The following CLASP1 variants were observed in gnomAD, a reference collection of about 807,000 sequenced individuals.
The protein encoded by CLASP1 is CLIP-associating protein 1.
In CLASP1, 38 loss-of-function variants were observed where a neutral mutation model predicts 192.3. That is an observed-to-expected ratio of 0.20 (90% CI 0.15 to 0.26). The LOEUF (loss-of-function observed/expected upper bound fraction) is 0.26. CLASP1 is among the 10% of genes least tolerant of loss of function. CLASP1 has a pLI of 1.00. For missense variants in CLASP1, 1,433 were observed against 1,932.5 expected, an observed-to-expected ratio of 0.74 and a Z score of 4.85; for synonymous variants, 691 against 712.8, an observed-to-expected ratio of 0.97 and a Z score of 0.49.
intron 7 of CLASP1, among the ~76,000 whole-genome samples, chr2:121,515,037 T>C (rs2094248302): frequency 1.3e-5 from 2 of 152,204 alleles, no homozygotes; most frequent in Non-Finnish European, 2.9e-5. Flanking sequence ...GGTAAAAGTT[T>C]GGAATTAATT....
intron 1 of CLASP1, among the ~76,000 whole-genome samples, chr2:121,611,458 G>A (rs1262405604): frequency 4.3e-5 from 6 of 140,188 alleles, no homozygotes; most frequent in African/African-American, 1.4e-4. Context: ...GTTACAGGAG[G>A]AAGAGGAACT....
intron 34 of CLASP1, among the ~76,000 whole-genome samples, chr2:121,375,519 A>G (rs369991474): frequency 1.3e-5 from 2 of 151,950 alleles, no homozygotes; most frequent in South Asian, 2.1e-4. Context: ...GTGCACCACC[A>G]AGCCCAGCTA....
At chr2:121,515,049 G>T (rs1413322527) in intron 7 of CLASP1, among the ~76,000 whole-genome samples, 2 of 152,218 alleles carry the variant, frequency 1.3e-5, no homozygotes, top group East Asian at 3.9e-4. Flanking sequence ...GAATTAATTT[G>T]GTGTTAAGTT....
chr2:121,525,551 T>G (rs897869553), intron 6 of CLASP1, among the ~76,000 whole-genome samples: 5 of 152,164 alleles, frequency 3.3e-5, no homozygotes, highest in African/African-American at 9.7e-5. Context: ...AGACATCTTA[T>G]CTTGGAGGCT....
intron 2 of CLASP1, among the ~76,000 whole-genome samples, chr2:121,538,689 G>C (rs1476417069): frequency 2.6e-5 from 4 of 151,794 alleles, no homozygotes; most frequent in Admixed American, 2.6e-4. Context: ...GGGAGGCTGA[G>C]GCAGAGAATT....
At chr2:121,637,976 G>A (rs1003905821) in intron 1 of CLASP1, among the ~76,000 whole-genome samples, 1 of 151,484 alleles carries the variant, frequency 6.6e-6, no homozygotes, top group Admixed American at 6.6e-5. Context: ...CAAAAAAGGA[G>A]ATAACACAAG....
chr2:121,503,276 G>A (rs1356193643), intron 7 of CLASP1, 42 bp from the exon 8 acceptor site: 1 of 1,103,154 alleles, frequency 9.1e-7, no homozygotes, highest in Admixed American at 2.1e-5. Flanking sequence ...AACCATCACT[G>A]CTCATAGCCA....
At chr2:121,439,827 C>T (rs1400057166) in intron 19 of CLASP1, among the ~76,000 whole-genome samples, 7 of 149,752 alleles carry the variant, frequency 4.7e-5, no homozygotes, top group Admixed American at 6.7e-5. Context: ...AGTAAACTAT[C>T]GCAAGAACAA....
chr2:121,521,228 G>A (rs768730893), intron 6 of CLASP1, among the ~76,000 whole-genome samples: 18 of 152,154 alleles, frequency 1.2e-4, no homozygotes, highest in Non-Finnish European at 2.1e-4. Context: ...CAAAATAATG[G>A]GGTGGAGGAG....
At chr2:121,549,311 T>C (rs1323946616) in intron 2 of CLASP1, among the ~76,000 whole-genome samples, 3 of 152,124 alleles carry the variant, frequency 2.0e-5, no homozygotes, top group African/African-American at 7.2e-5. Flanking sequence ...AAAGAGACTT[T>C]AAAACAACAA....
chr2:121,404,782 T>C (rs1385662206), intron 25 of CLASP1, among the ~76,000 whole-genome samples: 5 of 152,290 alleles, frequency 3.3e-5, no homozygotes, highest in South Asian at 2.1e-4. Context: ...TAAGACTGAG[T>C]GATTTACTCA....
intron 19 of CLASP1, 30 bp downstream of exon 19, chr2:121,447,307 G>A: frequency 6.4e-7 from 1 of 1,565,254 alleles, no homozygotes; most frequent in Non-Finnish European, 8.7e-7. Context: ...GAGCAGTGCA[G>A]GAGGGAAAGG....
In CLASP1 at chr2:121,448,209, C is replaced by A. The variant is rs995109817; in HGVS notation, c.1741+67G>T. On this transcript the variant is annotated intron_variant, in intron 18 of 39. Coordinates refer to ENST00000263710, the Ensembl canonical transcript of CLASP1. ...CGTTGGCCTCCTGTGCCTGGGCAGC[C>A]TCTTGCAGCTGCACGTACAGCCCAC... 4 of 1,405,360 alleles carry A rather than the reference C, an allele frequency of 2.8e-6. No homozygotes were observed. The African/African-American group carries it at 5.7e-5, about 20-fold the overall frequency. The allele number at this position is 1,405,360 out of a possible 1,614,324, so 87.1% of individuals were successfully genotyped here.
chr2:121,564,439 CA>C (rs1180884414), intron 2 of CLASP1, among the ~76,000 whole-genome samples: 1 of 152,122 alleles, frequency 6.6e-6, no homozygotes, highest in Non-Finnish European at 1.5e-5. Flanking sequence ...GAAGAATTAT[CA>C]AAGATTTTAG....
At chr2:121,445,201 G>A (rs182892066) in intron 19 of CLASP1, among the ~76,000 whole-genome samples, 10 of 152,162 alleles carry the variant, frequency 6.6e-5, no homozygotes, top group Non-Finnish European at 4.4e-5. Context: ...AAACACAGAC[G>A]GGCAACCCAG....
At position 121,404,719 on chromosome 2, in the gene CLASP1, A is replaced by G. The variant is rs765078929; in HGVS notation, c.2670-285T>C. ...AAACTCTTATTTAATTTATAGCTAA[A>G]TCAAATAGGAATATAAAACCAGAGA... On this transcript the variant is annotated intron_variant, in intron 25 of 39. Transcript: ENST00000263710. Among the ~76,000 whole-genome samples, 22 of 152,322 alleles carry G rather than the reference A, an allele frequency of 1.4e-4. 1 individual carries two copies. Among genetic ancestry groups the G allele is most frequent in the Middle Eastern group, 3.4e-3 (1 of 294 alleles).
intron 2 of CLASP1, among the ~76,000 whole-genome samples, chr2:121,573,761 G>A (rs1163116366): frequency 6.6e-6 from 1 of 152,090 alleles, no homozygotes; most frequent in African/African-American, 2.4e-5. Context: ...TTTATAAAAA[G>A]GATCTCTCTA....
Position 121,445,493 on chromosome 2 carries a change from G to C in CLASP1, c.1912+1844C>G, listed in dbSNP as rs1418763424. The C allele has an allele frequency of 2.3e-6, 3 of 1,288,734 alleles. No individual in the cohort carries two copies. In the East Asian group the frequency reaches 1.7e-4, roughly 71 times the overall value. The allele number at this position is 1,288,734 out of a possible 1,614,324, so 79.8% of individuals were successfully genotyped here. A position where few individuals can be genotyped will look rare whatever the true frequency, so the allele number is the denominator to read the frequency against. On this transcript the variant is annotated intron_variant, in intron 19 of 39. Coordinates refer to ENST00000263710, the Ensembl canonical transcript of CLASP1. ...CTCCATGTCTTCCCTCATGTGTCTG[G>C]ACTCTAGAAGTTTGGAAAAGGATCA...
chr2:121,378,490 C>A (rs2070809652), intron 33 of CLASP1, among the ~76,000 whole-genome samples: 1 of 152,066 alleles, frequency 6.6e-6, no homozygotes, highest in Non-Finnish European at 1.5e-5. Context: ...AGTTTGTCAA[C>A]AAGTGCCTTT....
Sources: allele counts gnomAD v4.1 joint callset (sites outside exome capture counted in the v4.1 genomes callset), GRCh38; gene constraint gnomAD v4.1.1; transcripts MANE v1.5; gene names NCBI Gene and HGNC (gene_info 2026-07-23, HGNC 2026-07-21).